TENM2: variants seen among roughly 807,000 people sequenced by gnomAD.
The protein encoded by TENM2 is teneurin transmembrane protein 2.
Under a neutral mutation model 245.2 loss-of-function variants are expected in TENM2, and 52 were observed. The ratio of observed to expected loss-of-function variants is 0.21; its 90% CI spans 0.17 to 0.27. TENM2 has a LOEUF of 0.27. Ranked by LOEUF, TENM2 falls within the 10% of genes least tolerant of loss-of-function variation. The pLI is 1.00. For synonymous variants in TENM2, 1,363 were observed against 1,438.9 expected (o/e 0.95, Z 1.19); for missense variants, 3,046 against 3,666.8 (o/e 0.83, Z 4.37).
chr5:167,221,171 C>T, the TENM2 span, among the ~76,000 whole-genome samples: 4 of 151,952 alleles, frequency 2.6e-5, no homozygotes, highest in African/African-American at 7.3e-5. Flanking sequence ...GCCGTGATGC[C>T]GATGGATATG....
chr5:167,406,927 A>T (rs1473090644), intron 2 of TENM2, among the ~76,000 whole-genome samples: 2 of 152,174 alleles, frequency 1.3e-5, no homozygotes, highest in Non-Finnish European at 2.9e-5. Context: ...GCATTTCCAG[A>T]TGCTAGAGTT....
intron 2 of TENM2, among the ~76,000 whole-genome samples, chr5:167,807,298 C>G (rs921235158): frequency 2.0e-5 from 3 of 151,856 alleles, no homozygotes; most frequent in African/African-American, 7.3e-5. Context: ...AAAGCCTGGC[C>G]TCCATTGTGT....
At chr5:167,370,386 C>G (rs1279344781) in intron 1 of TENM2, among the ~76,000 whole-genome samples, 1 of 139,906 alleles carries the variant, frequency 7.1e-6, no homozygotes, top group Admixed American at 7.2e-5. Context: ...TGGAGAGGAT[C>G]TGGATTATAC....
At chr5:167,326,654 A>G (rs547317364) in intron 1 of TENM2, among the ~76,000 whole-genome samples, 1 of 150,660 alleles carries the variant, frequency 6.6e-6, no homozygotes, top group Admixed American at 6.6e-5. Context: ...GTCTGGTGAA[A>G]AGAATGAGAC....
chr5:167,143,617 T>G, the TENM2 span, among the ~76,000 whole-genome samples: 2 of 152,146 alleles, frequency 1.3e-5, no homozygotes, highest in African/African-American at 4.8e-5. Flanking sequence ...AGTAGCAGAT[T>G]TTGAGTAGGC....
chr5:167,966,340 C>T (rs573108081), intron 4 of TENM2, among the ~76,000 whole-genome samples: 28 of 152,248 alleles, frequency 1.8e-4, no homozygotes, highest in Non-Finnish European at 3.5e-4. Flanking sequence ...TGGGAGAAAG[C>T]GCAACAGCCA....
intron 12 of TENM2, among the ~76,000 whole-genome samples, chr5:168,159,639 A>G (rs1213686756): frequency 6.6e-6 from 1 of 152,232 alleles, no homozygotes. Context: ...TAGCAACGCC[A>G]TGCACCTACC....
chr5:168,060,253 A>G (rs1789923311), intron 6 of TENM2, among the ~76,000 whole-genome samples: 1 of 151,988 alleles, frequency 6.6e-6, no homozygotes, highest in African/African-American at 2.4e-5. Flanking sequence ...GAAAAAAGAA[A>G]AAAACTTTAA....
chr5:167,566,672 G>A (rs530384118), intron 2 of TENM2, among the ~76,000 whole-genome samples: 22 of 152,242 alleles, frequency 1.4e-4, no homozygotes, highest in East Asian at 3.9e-4. Context: ...GCTTTCAAAC[G>A]TTCCATATTG....
At chr5:168,165,097 A>C (rs75606481) in intron 13 of TENM2, 1 of 152,244 alleles carries the variant, frequency 6.6e-6, no homozygotes, top group Non-Finnish European at 1.5e-5. Flanking sequence ...ACAGATGTAC[A>C]TACACTGATA....
Position 167,719,232 on chromosome 5 carries a change from G to A in TENM2, c.503-156754G>A, listed in dbSNP as rs1759462271. 3.9e-5 allele frequency among the ~76,000 whole-genome samples: 6 copies of A among 152,304 alleles called. No homozygotes were observed. In the South Asian group the frequency reaches 1.2e-3, roughly 32 times the overall value. ...CGCATAACTTACGAGCTAAATTTCA[G>A]GATGGAAACACTTTTTGAAATGGAT... On this transcript the variant is annotated intron_variant, in intron 2 of 28. Transcript: ENST00000518659.
chr5:167,690,535 A>G (rs1757358034), intron 2 of TENM2, among the ~76,000 whole-genome samples: 1 of 152,190 alleles, frequency 6.6e-6, no homozygotes, highest in Admixed American at 6.5e-5. Flanking sequence ...AGAGAGCTGC[A>G]TGCTATTACC....
intron 12 of TENM2, among the ~76,000 whole-genome samples, chr5:168,161,074 T>A (rs2152447763): frequency 6.6e-6 from 1 of 152,210 alleles, no homozygotes; most frequent in Non-Finnish European, 1.5e-5. Flanking sequence ...TTTATCAGCA[T>A]TCTCATAAGG....
At chr5:167,444,796 G>A (rs1404055846) in intron 2 of TENM2, among the ~76,000 whole-genome samples, 4 of 152,064 alleles carry the variant, frequency 2.6e-5, no homozygotes, top group African/African-American at 9.7e-5. Flanking sequence ...CAATAAATGA[G>A]CATTGGGGCA....
At chr5:166,983,714 G>T in the TENM2 span, among the ~76,000 whole-genome samples, 1 of 152,076 alleles carries the variant, frequency 6.6e-6, no homozygotes, top group African/African-American at 2.4e-5. Context: ...AACCACCTCT[G>T]TCTTGGGAAA....
chr5:167,633,753 A>C (rs1779019826), intron 2 of TENM2, among the ~76,000 whole-genome samples: 1 of 152,102 alleles, frequency 6.6e-6, no homozygotes, highest in South Asian at 2.1e-4. Flanking sequence ...CCCAGGCACT[A>C]TACCCTCCTA....
chr5:167,912,421 A>G lies in TENM2; in HGVS notation c.712+36226A>G, dbSNP rs141525483. Among the ~76,000 whole-genome samples the G allele has an allele frequency of 3.6e-4, 55 of 152,320 alleles. 1 individual carries two copies. The highest frequency in any genetic ancestry group is 1.3e-3 in the African/African-American group (54 of 41,568). On this transcript the variant is annotated intron_variant, in intron 3 of 28. Coordinates refer to ENST00000518659, the Ensembl canonical transcript of TENM2. ...ATGCAGACTTAGCTTTCTCTTGAAT[A>G]GAGTTCTTTGGGAGCAGAGGCCAGG... is the stretch of plus-strand genomic sequence containing the variant.
chr5:166,980,798 C>G, the TENM2 span, among the ~76,000 whole-genome samples: 1 of 152,146 alleles, frequency 6.6e-6, no homozygotes, highest in Non-Finnish European at 1.5e-5. Flanking sequence ...CTGAGAAACC[C>G]TGAACTCTAA....
chr5:167,745,050 C>A (rs1761462561), intron 2 of TENM2, among the ~76,000 whole-genome samples: 3 of 152,272 alleles, frequency 2.0e-5, no homozygotes, highest in African/African-American at 4.8e-5. Flanking sequence ...AGGCAACAAC[C>A]AACAGCCCCT....
Sources: allele counts gnomAD v4.1 joint callset (sites outside exome capture counted in the v4.1 genomes callset), GRCh38; gene constraint gnomAD v4.1.1; transcripts MANE v1.5; gene names NCBI Gene and HGNC (gene_info 2026-07-23, HGNC 2026-07-21).